The following PTPRD variants were observed in gnomAD, a reference collection of about 807,000 sequenced individuals.
PTPRD encodes the protein protein tyrosine phosphatase receptor type D.
PTPRD carries 34 observed loss-of-function variants against 214.5 expected under a neutral mutation model. The observed-to-expected ratio is 0.16, with a 90% CI of 0.12 to 0.21. PTPRD has a LOEUF of 0.21. Ranked by LOEUF, PTPRD falls within the 10% of genes least tolerant of loss-of-function variation. The pLI is 1.00. For synonymous variants in PTPRD, 1,128 were observed against 845.7 expected (o/e 1.33, Z -5.79); for missense variants, 2,545 against 2,398.7 (o/e 1.06, Z -1.27).
chr9:10,608,065 A>C (rs1363761507), intron 2 of PTPRD, among the ~76,000 whole-genome samples: 1 of 151,980 alleles, frequency 6.6e-6, no homozygotes, highest in African/African-American at 2.4e-5. Context: ...TTTAAAATGC[A>C]AGGGTTCAAA....
chr9:10,228,107 C>T (rs751084222), intron 3 of PTPRD, among the ~76,000 whole-genome samples: 1 of 151,506 alleles, frequency 6.6e-6, no homozygotes, highest in Non-Finnish European at 1.5e-5. Flanking sequence ...CTACTTAAAA[C>T]TTTAAAAAAA....
intron 14 of PTPRD, among the ~76,000 whole-genome samples, chr9:8,546,202 C>A (rs2080093052): frequency 6.6e-6 from 1 of 152,122 alleles, no homozygotes; most frequent in Admixed American, 6.5e-5. Context: ...TTCATCCACT[C>A]CTCCATATAA....
intron 3 of PTPRD, among the ~76,000 whole-genome samples, chr9:10,148,818 A>G (rs537552944): frequency 6.6e-5 from 10 of 152,268 alleles, no homozygotes; most frequent in African/African-American, 2.4e-4. Flanking sequence ...AAGTACTTCT[A>G]GTGTGCAGCC....
chr9:9,781,615 G>C (rs572284539), intron 5 of PTPRD, among the ~76,000 whole-genome samples: 1 of 152,122 alleles, frequency 6.6e-6, no homozygotes, highest in Non-Finnish European at 1.5e-5. Context: ...TACAGTAGGT[G>C]CTCAACAAGT....
At chr9:10,462,855 T>C (rs2098968552) in intron 2 of PTPRD, among the ~76,000 whole-genome samples, 2 of 151,394 alleles carry the variant, frequency 1.3e-5, no homozygotes, top group Non-Finnish European at 2.9e-5. Context: ...AATATACAAA[T>C]TAGCATATTA....
intron 9 of PTPRD, among the ~76,000 whole-genome samples, chr9:9,364,838 TG>T (rs1255512992): frequency 6.6e-6 from 1 of 151,278 alleles, no homozygotes; most frequent in African/African-American, 2.4e-5. Flanking sequence ...GTTTGTGCTG[TG>T]AGCAGTGTTG....
At chr9:9,054,043 C>G (rs1004725856) in intron 10 of PTPRD, among the ~76,000 whole-genome samples, 1 of 152,028 alleles carries the variant, frequency 6.6e-6, no homozygotes, top group Non-Finnish European at 1.5e-5. Context: ...ACAACAATAA[C>G]AATGATAACA....
intron 14 of PTPRD, among the ~76,000 whole-genome samples, chr9:8,546,357 C>A (rs1168216003): frequency 2.6e-5 from 4 of 152,084 alleles, no homozygotes; most frequent in African/African-American, 9.7e-5. Context: ...CAAGCAACTG[C>A]CCTATAATGT....
chr9:9,909,433 T>C lies in PTPRD; in HGVS notation c.-368+29074A>G, dbSNP rs570289203. 6.1e-5 allele frequency among the ~76,000 whole-genome samples: 9 copies of C among 146,456 alleles called. No homozygotes were observed. The South Asian group carries it at 1.6e-3, about 25-fold the overall frequency. ...ACTTTAAAATATTTACATATCTGTA[T>C]AAATGCAAATTTATTAAAAATGACA... On this transcript the variant is annotated intron_variant, in intron 5 of 45. Coordinates refer to ENST00000381196, the MANE Select transcript of PTPRD (RefSeq NM_002839.4).
At chr9:9,787,466 T>C (rs2098933679) in intron 5 of PTPRD, among the ~76,000 whole-genome samples, 1 of 150,100 alleles carries the variant, frequency 6.7e-6, no homozygotes, top group Admixed American at 6.6e-5. Flanking sequence ...CAAAATTTAA[T>C]TAATGTTACT....
At chr9:8,930,035 T>A (rs1335790459) in intron 11 of PTPRD, among the ~76,000 whole-genome samples, 1 of 151,782 alleles carries the variant, frequency 6.6e-6, no homozygotes, top group Non-Finnish European at 1.5e-5. Context: ...TATGTATACA[T>A]GTACCATGTT....
At chr9:9,830,035 C>A (rs2054294432) in intron 5 of PTPRD, among the ~76,000 whole-genome samples, 1 of 151,550 alleles carries the variant, frequency 6.6e-6, no homozygotes. Flanking sequence ...CAACTAAAAG[C>A]CTCAGCAAGT....
intron 3 of PTPRD, among the ~76,000 whole-genome samples, chr9:10,123,409 G>T (rs901815172): frequency 2.0e-5 from 3 of 152,152 alleles, no homozygotes; most frequent in Non-Finnish European, 4.4e-5. Flanking sequence ...ATGAAGTCTT[G>T]AATTACAAAA....
chr9:9,717,752 A>G (rs10977930), intron 7 of PTPRD, among the ~76,000 whole-genome samples: 1,914 of 152,348 alleles, frequency 0.013, 17 homozygotes, highest in Middle Eastern at 0.048. Context: ...GGATGGAAGG[A>G]ATTAATCTTA....
chr9:9,651,607 T>A (rs2096353153), intron 7 of PTPRD, among the ~76,000 whole-genome samples: 1 of 152,126 alleles, frequency 6.6e-6, no homozygotes, highest in African/African-American at 2.4e-5. Context: ...TATTCCATGG[T>A]ATATATGTAC....
intron 9 of PTPRD, among the ~76,000 whole-genome samples, chr9:9,301,749 G>T (rs1026405025): frequency 1.3e-5 from 2 of 151,868 alleles, no homozygotes; most frequent in Admixed American, 1.3e-4. Context: ...ACTAATTATA[G>T]GTATAATGGT....
chr9:8,599,501 TTTC>T (rs2094685146), intron 14 of PTPRD, among the ~76,000 whole-genome samples: 1 of 152,138 alleles, frequency 6.6e-6, no homozygotes, highest in Non-Finnish European at 1.5e-5. Flanking sequence ...GATACTTTTT[TTTC>T]TTAATTCAAA....
intron 35 of PTPRD, 49 bp from the exon 36 acceptor site, chr9:8,404,709 C>A: frequency 6.4e-7 from 1 of 1,562,778 alleles, no homozygotes; most frequent in South Asian, 1.2e-5. Context: ...CTGAAAACCA[C>A]CAGATTATAG....
intron 10 of PTPRD, among the ~76,000 whole-genome samples, chr9:9,139,579 T>C (rs2099856662): frequency 6.6e-6 from 1 of 151,586 alleles, no homozygotes. Flanking sequence ...GACTCAGGAA[T>C]GGGTAGCTTA....
Sources: allele counts gnomAD v4.1 joint callset (sites outside exome capture counted in the v4.1 genomes callset), GRCh38; gene constraint gnomAD v4.1.1; transcripts MANE v1.5; gene names NCBI Gene and HGNC (gene_info 2026-07-23, HGNC 2026-07-21).